ZC3H11A: variants seen among roughly 807,000 people sequenced by gnomAD.
ZC3H11A encodes the protein zinc finger CCCH domain-containing protein 11A.
ZC3H11A carries 22 observed loss-of-function variants against 90.8 expected under a neutral mutation model. That is an observed-to-expected ratio of 0.24 (90% confidence interval 0.17 to 0.35). ZC3H11A has a LOEUF of 0.35. Ranked by LOEUF, ZC3H11A falls within the 10% of genes least tolerant of loss-of-function variation. ZC3H11A has a pLI of 1.00. For synonymous variants in ZC3H11A, 294 were observed against 339.8 expected (o/e 0.87, Z 1.48); for missense variants, 701 against 964.9 (o/e 0.73, Z 3.62).
At chr1:203,818,959 C>T (rs1677277304) in intron 4 of ZC3H11A, among the ~76,000 whole-genome samples, 1 of 151,210 alleles carries the variant, frequency 6.6e-6, no homozygotes, top group Admixed American at 6.6e-5. Context: ...ATTCCAGCTA[C>T]TCGGGAGGCT....
intron 1 of ZC3H11A, chr1:203,798,329 T>A (rs1186228586): frequency 1.3e-6 from 2 of 1,536,132 alleles, no homozygotes; most frequent in South Asian, 2.4e-5. Context: ...CATCTGCCGT[T>A]TGGAATTTTT....
chr1:203,854,124 C>A lies in ZC3H11A; in HGVS notation c.*1725C>A, dbSNP rs1287504551. On this transcript the variant is annotated 3_prime_UTR_variant, in exon 18 of 18. Coordinates refer to ENST00000367210, the MANE Select transcript of ZC3H11A (RefSeq NM_001376342.1). ...TTAAATAAAACTGATGTAGGAAAGTCTTGATGTTGTGAGCTAAGTAATCTT... is the reference window on the plus strand; with the variant it reads ...TTAAATAAAACTGATGTAGGAAAGTATTGATGTTGTGAGCTAAGTAATCTT... The A allele has an allele frequency of 6.6e-6, 1 of 152,600 alleles. No homozygotes were observed. Among genetic ancestry groups the A allele is most frequent in the Non-Finnish European group, 1.5e-5 (1 of 68,042 alleles). The allele number at this position is 152,600 out of a possible 1,614,324, so 9.5% of individuals were successfully genotyped here. A position where few individuals can be genotyped will look rare whatever the true frequency, so the allele number is the denominator to read the frequency against.
intron 7 of ZC3H11A, 74 bp downstream of exon 7, chr1:203,829,970 A>T (rs756145167): frequency 2.1e-6 from 3 of 1,428,866 alleles, no homozygotes; most frequent in Non-Finnish European, 3.0e-6. Flanking sequence ...ACAATCATTG[A>T]CCTCCCTCTT....
In ZC3H11A at chr1:203,830,142, A is replaced by G; in HGVS notation, c.639A>G (p.Gly213=). ...TTTCAGGTGAATGTTTGAATTTTGG[A>G]ATAAAAACTCTTGAGGAAATTAAGT... The part of the protein sequence containing the change: ...NIKQGECLNF[G]IKTLEEIKSK... Residue 213 remains glycine (G), a synonymous_variant, in exon 8 of 18, where the codon GGA becomes GGG. Coordinates refer to ENST00000367210, the MANE Select transcript of ZC3H11A (RefSeq NM_001376342.1). 2 of 1,597,118 alleles carry G rather than the reference A, an allele frequency of 1.3e-6. No individual in the cohort carries two copies. Among genetic ancestry groups the G allele is most frequent in the Non-Finnish European group, 1.7e-6 (2 of 1,175,454 alleles).
chr1:203,843,033 C>G (rs1372132990), intron 12 of ZC3H11A, among the ~76,000 whole-genome samples: 1 of 151,610 alleles, frequency 6.6e-6, no homozygotes, highest in African/African-American at 2.4e-5. Context: ...CTTTTTATCC[C>G]CCATCCTTAT....
At position 203,849,760 on chromosome 1, in the gene ZC3H11A, G is replaced by T; in HGVS notation, c.1673G>T (p.Arg558Ile). ...GVDITKIQVK[R>I]CETMREKHMQ... ...GACATCACTAAAATTCAAGTCAAGA[G>T]ATGTGAGACCATGAGAGAGAAGCAC... The change falls in exon 15 of 18, where the codon AGA (arginine) becomes ATA (isoleucine). Residue 558 changes from arginine to isoleucine, a missense_variant. Physicochemically the swap from Arg to Ile is moderately conservative, Grantham distance 97. This residue lies in a region of ZC3H11A where 530 missense variants were observed against 696.2 expected (regional missense o/e 0.76). Coordinates refer to ENST00000367210, the MANE Select transcript of ZC3H11A (RefSeq NM_001376342.1). The T allele has an allele frequency of 6.2e-7, 1 of 1,613,954 alleles. No homozygotes were observed. Among genetic ancestry groups the T allele is most frequent in the African/African-American group, 1.3e-5 (1 of 75,036 alleles).
chr1:203,831,852 C>A, intron 9 of ZC3H11A, 81 bp downstream of exon 9: 1 of 1,162,788 alleles, frequency 8.6e-7, no homozygotes, highest in Non-Finnish European at 1.2e-6. Context: ...GTATCTTTTA[C>A]CTTTGATGAA....
intron 2 of ZC3H11A, among the ~76,000 whole-genome samples, chr1:203,806,920 T>C (rs1041633498): frequency 1.7e-4 from 26 of 148,616 alleles, no homozygotes; most frequent in African/African-American, 6.5e-4. Flanking sequence ...TTTTGAAGTC[T>C]TTCAAAAATT....
chr1:203,829,776 A>G lies in ZC3H11A; in HGVS notation c.503-4A>G, dbSNP rs1339367135. On this transcript the variant is annotated splice_region_variant and splice_polypyrimidine_tract_variant and intron_variant, in intron 6 of 17. Transcript: ENST00000367210. Reference sequence around the variant, plus strand: ...GTGAATTTGCCTTAAATGTTGATATATAGATCAGTTTTCTGAGGAAGGTGA... The same window carrying G: ...GTGAATTTGCCTTAAATGTTGATATGTAGATCAGTTTTCTGAGGAAGGTGA... 10 of 1,613,842 alleles carry G rather than the reference A, an allele frequency of 6.2e-6. No homozygotes were observed. The highest frequency in any genetic ancestry group is 8.5e-6 in the Non-Finnish European group (10 of 1,179,726).
At chr1:203,805,548 C>A in intron 2 of ZC3H11A, 3 of 572,658 alleles carry the variant, frequency 5.2e-6, no homozygotes, top group South Asian at 4.2e-5. Context: ...GTATCTGTTA[C>A]GGTAAATTTG....
chr1:203,849,785 C>T lies in ZC3H11A; in HGVS notation c.1698C>T (p.His566=), dbSNP rs1214997309. The T allele has an allele frequency of 1.7e-5, 27 of 1,613,780 alleles. No individual in the cohort carries two copies. Among genetic ancestry groups the T allele is most frequent in the Non-Finnish European group, 2.3e-5 (27 of 1,179,872 alleles). ...GATGTGAGACCATGAGAGAGAAGCACATGCAGAAACAGCAGGAGAGGGAAA... is the reference window on the plus strand; with the variant it reads ...GATGTGAGACCATGAGAGAGAAGCATATGCAGAAACAGCAGGAGAGGGAAA... The part of the protein sequence containing the change: ...VKRCETMREK[H]MQKQQEREKS... The change falls in exon 15 of 18, where the codon CAC becomes CAT. Residue 566 remains histidine (H), a synonymous_variant. Coordinates refer to ENST00000367210, the MANE Select transcript of ZC3H11A (RefSeq NM_001376342.1).
rs1558083302 is a variant in ZC3H11A, at chr1:203,795,803, A to G, written c.-1588+9A>G. 6.6e-6 allele frequency: 1 copy of G among 151,656 alleles called. No individual in the cohort carries two copies. The highest frequency in any genetic ancestry group is 2.4e-5 in the African/African-American group (1 of 41,218). 9.4% of individuals were successfully genotyped at this position (151,656 alleles called of 1,614,324 possible). On this transcript the variant is annotated intron_variant, in intron 1 of 17. Transcript: ENST00000367210. ...AAAGTTTCTGTTCTCTGGTAACTAG[A>G]CCCGTTTTTTTGATTCCCGGGTGGC...
intron 8 of ZC3H11A, among the ~76,000 whole-genome samples, chr1:203,830,875 TTTC>T (rs1682034430): frequency 6.6e-6 from 1 of 151,664 alleles, no homozygotes; most frequent in African/African-American, 2.4e-5. Flanking sequence ...CTGCTAGGAT[TTTC>T]TTCTGGAGCT....
At chr1:203,829,683 G>A (rs974229100) in intron 6 of ZC3H11A, 29 bp downstream of exon 6, 1 of 1,613,772 alleles carries the variant, frequency 6.2e-7, no homozygotes, top group African/African-American at 1.3e-5. Flanking sequence ...CTTCTTTAAG[G>A]CAAATAAATA....
chr1:203,818,727 G>C (rs577650606), intron 4 of ZC3H11A, 38 bp downstream of exon 4: 1 of 1,613,010 alleles, frequency 6.2e-7, no homozygotes, highest in East Asian at 2.2e-5. Context: ...TAAGTAGTCT[G>C]GAGACCTGGT....
intron 3 of ZC3H11A, 151 bp from the exon 4 acceptor site, chr1:203,818,419 T>G: frequency 9.8e-7 from 1 of 1,024,162 alleles, no homozygotes; most frequent in South Asian, 1.6e-5. Context: ...GCTCTCGGTT[T>G]GTTCCTGTCA....
intron 3 of ZC3H11A, among the ~76,000 whole-genome samples, 180 bp downstream of exon 3, chr1:203,817,304 A>ATT (rs1676682845): frequency 6.6e-6 from 1 of 151,764 alleles, no homozygotes; most frequent in Non-Finnish European, 1.5e-5. Context: ...TTTTCTTTTC[A>ATT]TTTTATATAT....
intron 1 of ZC3H11A, chr1:203,798,818 C>G: frequency 1.3e-6 from 2 of 1,536,126 alleles, no homozygotes; most frequent in Non-Finnish European, 8.7e-7. Flanking sequence ...CAACCCCAGC[C>G]TTTCAGAGGT....
chr1:203,830,232 T>C, intron 8 of ZC3H11A, 29 bp downstream of exon 8: 1 of 1,534,676 alleles, frequency 6.5e-7, no homozygotes, highest in Non-Finnish European at 8.8e-7. Flanking sequence ...GCATGGATAG[T>C]TGTATGTTGC....
Sources: gnomAD v4.1 joint callset for allele counts (sites outside exome capture counted in the v4.1 genomes callset) on GRCh38, gnomAD v4.1.1 for gene constraint, gnomAD v4.1.1 regional missense constraint, MANE v1.5 for transcripts, NCBI Gene and HGNC (gene_info 2026-07-23, HGNC 2026-07-21) for gene names.